Variants in SLC39A7 observed in about 807,000 individuals in gnomAD.
SLC39A7 encodes the protein zinc transporter SLC39A7.
A neutral mutation model predicts 39.7 loss-of-function variants in SLC39A7; 25 were observed. The ratio of observed to expected loss-of-function variants is 0.63; its 90% CI spans 0.46 to 0.88. The LOEUF is 0.88. SLC39A7 is among the 40% of genes least tolerant of loss of function. SLC39A7 has a pLI of 0.00. For missense variants in SLC39A7, 501 were observed against 592.1 expected (o/e 0.85, Z 1.60); for synonymous variants, 181 against 234.1 (o/e 0.77, Z 2.07).
Position 33,204,301 on chromosome 6 carries a change from G to T in SLC39A7, c.*488G>T, listed in dbSNP as rs949331613. On this transcript the variant is annotated 3_prime_UTR_variant, in exon 7 of 7. Coordinates refer to ENST00000374677, the MANE Select transcript of SLC39A7 (RefSeq NM_006979.3). ...GTGTGTCCTGATTTGGGAGTGATTGGGGGGATGGGGTGGGAGAGGGTTAGT... is the reference window on the plus strand; with the variant it reads ...GTGTGTCCTGATTTGGGAGTGATTGTGGGGATGGGGTGGGAGAGGGTTAGT... The T allele has an allele frequency of 1.9e-6, 1 of 517,164 alleles. No homozygotes were observed. The highest frequency in any genetic ancestry group is 2.1e-5 in the South Asian group (1 of 47,352). 32.0% of individuals were successfully genotyped at this position (517,164 alleles called of 1,614,324 possible). A position where few individuals can be genotyped will look rare whatever the true frequency, so the allele number is the denominator to read the frequency against.
In SLC39A7 at chr6:33,201,456, A is replaced by T. The variant is rs1210813358; in HGVS notation, c.211A>T (p.Ile71Phe). Residue 71 changes from isoleucine to phenylalanine, a missense_variant, in exon 1 of 7, where the codon ATC becomes TTC. Ile to Phe is a conservative substitution (Grantham distance 21). Coordinates refer to ENST00000374677, the MANE Select transcript of SLC39A7 (RefSeq NM_006979.3). The surrounding 1 kb of genome is among the most constrained non-coding windows in gnomAD (Gnocchi z 5.9). ...TGGCCATGGCCACACTCACGAGAGC[A>T]TCTGGCATGGACATACCCACGATCA... is the stretch of plus-strand genomic sequence containing the variant. ...AHGHGHTHES[I>F]WHGHTHDHDH... The T allele has an allele frequency of 6.2e-7, 1 of 1,614,072 alleles. No individual in the cohort carries two copies. The highest frequency in any genetic ancestry group is 8.5e-7 in the Non-Finnish European group (1 of 1,179,952).
chr6:33,201,948 C>A lies in SLC39A7; in HGVS notation c.580+35C>A. On this transcript the variant is annotated intron_variant, in intron 2 of 6. Transcript: ENST00000374677. The surrounding 1 kb of genome is among the most constrained non-coding windows in gnomAD (Gnocchi z 5.9). The stretch of plus-strand genomic sequence containing the variant: ...CTCTGACTTCTACCTCAAATCTAAC[C>A]TATTTCGTTCTTTGGAGGAAAAGGG... 6.2e-7 allele frequency: 1 copy of A among 1,608,750 alleles called. No individual in the cohort carries two copies. Among genetic ancestry groups the A allele is most frequent in the East Asian group, 2.2e-5 (1 of 44,854 alleles).
rs1301088189 is a variant in SLC39A7 at position 33,202,425 on chromosome 6, A to C, written c.797A>C (p.Gln266Pro). 6.2e-7 allele frequency: 1 copy of C among 1,612,514 alleles called. No homozygotes were observed. The highest frequency in any genetic ancestry group is 8.5e-7 in the Non-Finnish European group (1 of 1,179,618). ...HTRGSHGHGR[Q>P]ERSTKEKQSS... ...CGTGGAAGTCATGGACATGGAAGACAAGGTGAGCCCAGGAACAACTTTCCT... is the reference window on the plus strand; with the variant it reads ...CGTGGAAGTCATGGACATGGAAGACCAGGTGAGCCCAGGAACAACTTTCCT... The change falls in exon 4 of 7, where the codon CAA (glutamine) becomes CCA (proline). Residue 266 changes from glutamine (Q) to proline (P), a missense_variant and splice_region_variant. Gln to Pro is a moderately conservative substitution (Grantham distance 76). Transcript: ENST00000374677.
rs9469380 is a variant in SLC39A7 at position 33,200,890 on chromosome 6, G to A, written c.-356G>A. ...TCCTGTTCTCGCGGGATCTAAAGGC[G>A]GGACTGCCACGTCCAAGCAAACCGG... is the stretch of plus-strand genomic sequence containing the variant. On this transcript the variant is annotated 5_prime_UTR_variant, in exon 1 of 7. Coordinates refer to ENST00000374677, the MANE Select transcript of SLC39A7 (RefSeq NM_006979.3). This position sits in a 1 kb window ranked among gnomAD's most constrained non-coding sequence, Gnocchi z 6.3. 1.1e-5 allele frequency: 15 copies of A among 1,370,282 alleles called. No individual in the cohort carries two copies. Among genetic ancestry groups the A allele is most frequent in the Non-Finnish European group, 1.5e-5 (15 of 994,552 alleles). The allele number at this position is 1,370,282 out of a possible 1,614,324, so 84.9% of individuals were successfully genotyped here.
At position 33,201,813 on chromosome 6, in the gene SLC39A7, G is replaced by A; in HGVS notation, c.480G>A (p.Ser160=). 6.2e-7 allele frequency: 1 copy of A among 1,613,326 alleles called. No homozygotes were observed. Among genetic ancestry groups the A allele is most frequent in the Non-Finnish European group, 8.5e-7 (1 of 1,179,938 alleles). The change falls in exon 2 of 7, where the codon TCG becomes TCA. Residue 160 remains serine (S), a synonymous_variant. Coordinates refer to ENST00000374677, the MANE Select transcript of SLC39A7 (RefSeq NM_006979.3). This position sits in a 1 kb window ranked among gnomAD's most constrained non-coding sequence, Gnocchi z 5.9. ...FFVLFLIPVE[S]NSPRHRSLLQ... ...TCCTCTTCCTTATCCCCGTGGAGTC[G>A]AACTCTCCCCGGCATCGCTCTCTAC...
Position 33,203,666 on chromosome 6 carries a change from A to G in SLC39A7, c.1263A>G (p.Pro421=). 6.2e-7 allele frequency: 1 copy of G among 1,614,214 alleles called. No individual in the cohort carries two copies. Among genetic ancestry groups the G allele is most frequent in the Non-Finnish European group, 8.5e-7 (1 of 1,180,038 alleles). ...GTGCAGGTCCTGGCTGGGTCCTGCC[A>G]TTTACTGCAGGTGGCTTTATCTACG... The part of the protein sequence containing the change: ...AGGAGPGWVL[P]FTAGGFIYVA... Residue 421 remains proline, a synonymous_variant, in exon 7 of 7, where the codon CCA becomes CCG. Transcript: ENST00000374677.
At chr6:33,203,441 C>A in intron 6 of SLC39A7, 100 bp from the exon 7 acceptor site, 1 of 1,230,742 alleles carries the variant, frequency 8.1e-7, no homozygotes, top group Admixed American at 2.3e-5. Flanking sequence ...GTTTAGTTTC[C>A]AAATCCATGT....
At position 33,202,264 on chromosome 6, in the gene SLC39A7, C is replaced by T. The variant is rs997506538; in HGVS notation, c.636C>T (p.Gly212=). The change falls in exon 4 of 7, where the codon GGC becomes GGT. Residue 212 remains glycine (G), a splice_region_variant and synonymous_variant. Coordinates refer to ENST00000374677, the MANE Select transcript of SLC39A7 (RefSeq NM_006979.3). ...ATGTCTCAATGCCTCCATTCCCAGG[C>T]CAGGGCCCCATTCTGTCTGTGGGAC... ...EQPGHGHSHS[G]QGPILSVGLW... 10 of 1,612,580 alleles carry T rather than the reference C, an allele frequency of 6.2e-6. No individual in the cohort carries two copies. Among genetic ancestry groups the T allele is most frequent in the Non-Finnish European group, 8.5e-6 (10 of 1,179,660 alleles).
At position 33,202,254 on chromosome 6, in the gene SLC39A7, C is replaced by T. The variant is rs1774646677; in HGVS notation, c.635-9C>T. 1 of 1,611,088 alleles carries T rather than the reference C, an allele frequency of 6.2e-7. No individual in the cohort carries two copies. The highest frequency in any genetic ancestry group is 8.5e-7 in the Non-Finnish European group (1 of 1,178,376). The stretch of plus-strand genomic sequence containing the variant: ...ATCTCCCTTAATGTCTCAATGCCTC[C>T]ATTCCCAGGCCAGGGCCCCATTCTG... On this transcript the variant is annotated splice_polypyrimidine_tract_variant and intron_variant, in intron 3 of 6. Coordinates refer to ENST00000374677, the MANE Select transcript of SLC39A7 (RefSeq NM_006979.3).
At position 33,202,143 on chromosome 6, in the gene SLC39A7, G is replaced by A. The variant is rs117753559; in HGVS notation, c.634+18G>A. On this transcript the variant is annotated intron_variant, in intron 3 of 6. Coordinates refer to ENST00000374677, the MANE Select transcript of SLC39A7 (RefSeq NM_006979.3). ...CCACAGTGGTGAGGAAGAGACAGATGGGGATGGGAGTTGGGGTGCTGGGGA... is the reference window on the plus strand; with the variant it reads ...CCACAGTGGTGAGGAAGAGACAGATAGGGATGGGAGTTGGGGTGCTGGGGA... 1.3e-4 allele frequency: 205 copies of A among 1,612,386 alleles called. 4 individuals carry two copies. The East Asian group carries it at 4.5e-3, about 35-fold the overall frequency.
chr6:33,203,019 G>C lies in SLC39A7; in HGVS notation c.1050G>C (p.Leu350=), dbSNP rs1383261203. The change falls in exon 6 of 7, where the codon CTG becomes CTC. Residue 350 remains leucine (L), a synonymous_variant. Coordinates refer to ENST00000374677, the MANE Select transcript of SLC39A7 (RefSeq NM_006979.3). ...GAGGGGGCCGGGGACTAGGGATCCT[G>C]ACCACAATGACTGTCCTGCTACATG... ...SFRGGRGLGI[L]TTMTVLLHEV... 6.2e-7 allele frequency: 1 copy of C among 1,612,704 alleles called. No individual in the cohort carries two copies. The highest frequency in any genetic ancestry group is 8.5e-7 in the Non-Finnish European group (1 of 1,179,946).
At chr6:33,202,027 A>G in intron 2 of SLC39A7, 45 bp from the exon 3 acceptor site, 2 of 1,603,964 alleles carry the variant, frequency 1.2e-6, no homozygotes, top group Non-Finnish European at 1.7e-6. Context: ...ATACACACTC[A>G]TTGTGTCAGA....
Position 33,202,053 on chromosome 6 carries a change from T to C in SLC39A7, c.581-19T>C, listed in dbSNP as rs1156607041. Reference sequence around the variant, plus strand: ...TTGTGTCAGATATTCCCTCATCTGGTTTTCCCCCCTTCTTCCAGAACCTCA... The same window carrying C: ...TTGTGTCAGATATTCCCTCATCTGGCTTTCCCCCCTTCTTCCAGAACCTCA... On this transcript the variant is annotated intron_variant, in intron 2 of 6. Coordinates refer to ENST00000374677, the MANE Select transcript of SLC39A7 (RefSeq NM_006979.3). 1.2e-5 allele frequency: 19 copies of C among 1,612,362 alleles called. No individual in the cohort carries two copies. Among genetic ancestry groups the C allele is most frequent in the Non-Finnish European group, 1.4e-5 (17 of 1,179,474 alleles).
Position 33,201,408 on chromosome 6 carries a change from CACCATGGCCACAGCCATGCCCATG to C in SLC39A7, c.164_187del (p.His55_Gly63delinsArg), listed in dbSNP as rs1224376481. 5 of 1,613,920 alleles carry C rather than the reference CACCATGGCCACAGCCATGCCCATG, an allele frequency of 3.1e-6. No individual in the cohort carries two copies. The highest frequency in any genetic ancestry group is 4.2e-6 in the Non-Finnish European group (5 of 1,179,930). On this transcript the variant is annotated inframe_deletion, in exon 1 of 7. Transcript: ENST00000374677. The surrounding 1 kb of genome is among the most constrained non-coding windows in gnomAD (Gnocchi z 5.9). ...CCACAGGCACTCACATGAAGATTTC[CACCATGGCCACAGCCATGCCCATG>C]GCCATGGCCACACTCACGAGAGCAT... is the stretch of plus-strand genomic sequence containing the variant.
chr6:33,202,100 A>G lies in SLC39A7; in HGVS notation c.609A>G (p.Gln203=). The G allele has an allele frequency of 6.2e-7, 1 of 1,612,826 alleles. No homozygotes were observed. The highest frequency in any genetic ancestry group is 2.2e-5 in the East Asian group (1 of 44,866). The part of the protein sequence containing the change: ...LEPHSHHTLE[Q]PGHGHSHSGQ... ...CTCATTCTCACCACACTCTGGAGCA[A>G]CCCGGACATGGACACTCCCACAGTG... The change falls in exon 3 of 7, where the codon CAA becomes CAG. Residue 203 remains glutamine (Q), a synonymous_variant. Transcript: ENST00000374677.
In SLC39A7 at chr6:33,201,704, G is replaced by A; in HGVS notation, c.412-41G>A. ...AGAGAAGGGCTGGTTCTGGATTGTT[G>A]GGAAACTCCACAGTACTTGACCTTG... On this transcript the variant is annotated intron_variant, in intron 1 of 6. Coordinates refer to ENST00000374677, the MANE Select transcript of SLC39A7 (RefSeq NM_006979.3). The surrounding 1 kb of genome is among the most constrained non-coding windows in gnomAD (Gnocchi z 5.9). 14 of 1,612,450 alleles carry A rather than the reference G, an allele frequency of 8.7e-6. No individual in the cohort carries two copies. The highest frequency in any genetic ancestry group is 1.2e-5 in the Non-Finnish European group (14 of 1,178,762).
rs137873161 is a variant in SLC39A7 at position 33,201,794 on chromosome 6, T to G, written c.461T>G (p.Phe154Cys). 11 of 1,613,642 alleles carry G rather than the reference T, an allele frequency of 6.8e-6. No homozygotes were observed. The East Asian group carries it at 2.5e-4, about 36-fold the overall frequency. ...TCAGCAGCTCCATTTTTTGTCCTCT[T>G]CCTTATCCCCGTGGAGTCGAACTCT... ...LISAAPFFVL[F>C]LIPVESNSPR... The change falls in exon 2 of 7, where the codon TTC becomes TGC. Residue 154 changes from phenylalanine (F) to cysteine (C), a missense_variant. Physicochemically the swap from Phe to Cys is radical, Grantham distance 205. Coordinates refer to ENST00000374677, the MANE Select transcript of SLC39A7 (RefSeq NM_006979.3). The surrounding 1 kb of genome is among the most constrained non-coding windows in gnomAD (Gnocchi z 5.9).
chr6:33,202,144 G>C lies in SLC39A7; in HGVS notation c.634+19G>C, dbSNP rs376111638. On this transcript the variant is annotated intron_variant, in intron 3 of 6. Transcript: ENST00000374677. ...CACAGTGGTGAGGAAGAGACAGATGGGGATGGGAGTTGGGGTGCTGGGGAA... is the reference window on the plus strand; with the variant it reads ...CACAGTGGTGAGGAAGAGACAGATGCGGATGGGAGTTGGGGTGCTGGGGAA... The C allele has an allele frequency of 8.1e-6, 13 of 1,612,458 alleles. No homozygotes were observed. The highest frequency in any genetic ancestry group is 9.3e-6 in the Non-Finnish European group (11 of 1,179,530).
intron 5 of SLC39A7, 50 bp from the exon 6 acceptor site, chr6:33,202,860 C>G: frequency 1.9e-6 from 3 of 1,585,882 alleles, no homozygotes; most frequent in Non-Finnish European, 2.6e-6. Flanking sequence ...AAGACTGGAA[C>G]AAGTGGTGAT....
Sources: gnomAD v4.1 joint callset for allele counts on GRCh38, gnomAD v4.1.1 for gene constraint, Gnocchi (gnomAD v3.1) non-coding constraint, MANE v1.5 for transcripts, NCBI Gene and HGNC (gene_info 2026-07-23, HGNC 2026-07-21) for gene names.